Variants in CRYGD observed in about 807,000 individuals in gnomAD.
The protein encoded by CRYGD is gamma-crystallin D.
In CRYGD, 13 loss-of-function variants were observed where a neutral mutation model predicts 11.3. The ratio of observed to expected loss-of-function variants is 1.15; its 90% confidence interval spans 0.75 to 1.83. CRYGD has a LOEUF of 1.83. Among genes scored for constraint, CRYGD ranks in the 40% most tolerant of loss-of-function variants. CRYGD has a pLI of 0.00. For missense variants in CRYGD, 231 were observed against 229.9 expected (o/e 1.00, Z -0.03); for synonymous variants, 77 against 89.5 (o/e 0.86, Z 0.79).
intron 1 of CRYGD, 43 bp from the exon 2 acceptor site, chr2:208,124,397 T>C (rs374486737): frequency 2.5e-5 from 40 of 1,606,774 alleles, no homozygotes; most frequent in South Asian, 2.0e-4. Context: ...ACAGGCCTGC[T>C]CCTGCCCCAG....
At position 208,124,214 on chromosome 2, in the gene CRYGD, G is replaced by T. The variant is rs146108791; in HGVS notation, c.150C>A (p.Asn50Lys). 1.1e-4 allele frequency: 175 copies of T among 1,612,190 alleles called. No individual in the cohort carries two copies. Among genetic ancestry groups the T allele is most frequent in the Non-Finnish European group, 1.3e-4 (148 of 1,179,946 alleles). The change falls in exon 2 of 3, where the codon AAC becomes AAA. Residue 50 changes from asparagine (N) to lysine (K), a missense_variant. Physicochemically the swap from Asn to Lys is moderately conservative, Grantham distance 94. Transcript: ENST00000264376. ...GCAGGAAGTACTGGAGGCCCGAGTA[G>T]TTGGGCTGCTCATAGAGCATCCAGC... The part of the protein sequence containing the change: ...SGCWMLYEQP[N>K]YSGLQYFLRR...
Position 208,124,161 on chromosome 2 carries a change from T to C in CRYGD, c.203A>G (p.Gln68Arg). 2 of 1,611,678 alleles carry C rather than the reference T, an allele frequency of 1.2e-6. No homozygotes were observed. Among genetic ancestry groups the C allele is most frequent in the South Asian group, 1.1e-5 (1 of 90,996 alleles). The change falls in exon 2 of 3, where the codon CAG (glutamine) becomes CGG (arginine). Residue 68 changes from glutamine to arginine, a missense_variant. By Grantham distance (43) the Gln-to-Arg change is conservative. Coordinates refer to ENST00000264376, the MANE Select transcript of CRYGD (RefSeq NM_006891.4). Reference protein sequence around the residue: ...LRRGDYADHQQWMGLSDSVRS... With the variant: ...LRRGDYADHQRWMGLSDSVRS... Reference sequence around the variant, plus strand: ...GACCGAGTCGCTGAGGCCCATCCACTGCTGGTGGTCGGCATAGTCGCCGCG... The same window carrying C: ...GACCGAGTCGCTGAGGCCCATCCACCGCTGGTGGTCGGCATAGTCGCCGCG...
At position 208,124,180 on chromosome 2, in the gene CRYGD, C is replaced by G; in HGVS notation, c.184G>C (p.Asp62His). 1 of 1,611,666 alleles carries G rather than the reference C, an allele frequency of 6.2e-7. No individual in the cohort carries two copies. The highest frequency in any genetic ancestry group is 1.1e-5 in the South Asian group (1 of 90,988). ...SGLQYFLRRG[D>H]YADHQQWMGL... ...ATCCACTGCTGGTGGTCGGCATAGTCGCCGCGGCGCAGGAAGTACTGGAGG... is the reference window on the plus strand; with the variant it reads ...ATCCACTGCTGGTGGTCGGCATAGTGGCCGCGGCGCAGGAAGTACTGGAGG... The change falls in exon 2 of 3, where the codon GAC becomes CAC. Residue 62 changes from aspartate (D) to histidine (H), a missense_variant. By Grantham distance (81) the Asp-to-His change is moderately conservative. Transcript: ENST00000264376.
rs1417802246 is a variant in CRYGD, at chr2:208,124,233, A to C, written c.131T>G (p.Met44Arg). 2 of 1,612,058 alleles carry C rather than the reference A, an allele frequency of 1.2e-6. No homozygotes were observed. The highest frequency in any genetic ancestry group is 1.7e-6 in the Non-Finnish European group (2 of 1,179,784). ...CGAGTAGTTGGGCTGCTCATAGAGC[A>C]TCCAGCAGCCGCTGTCCACGCGCGC... is the stretch of plus-strand genomic sequence containing the variant. ...NSARVDSGCW[M>R]LYEQPNYSGL... The change falls in exon 2 of 3, where the codon ATG (methionine) becomes AGG (arginine). Residue 44 changes from methionine (M) to arginine (R), a missense_variant. Met to Arg is a moderately conservative substitution (Grantham distance 91, BLOSUM62 -1). Transcript: ENST00000264376.
rs113206037 is a variant in CRYGD, at chr2:208,124,445, G to C, written c.9+20C>G. The stretch of plus-strand genomic sequence containing the variant: ...GCGATGGAGGAAGCTCCGGGGTCCC[G>C]GGGCGCAGGCTGGGCTCACCTTCCC... On this transcript the variant is annotated intron_variant, in intron 1 of 2. Coordinates refer to ENST00000264376, the MANE Select transcript of CRYGD (RefSeq NM_006891.4). 8,878 of 1,582,832 alleles carry C rather than the reference G, an allele frequency of 5.6e-3. 441 individuals are homozygous for C. The African/African-American group carries it at 0.1, about 19-fold the overall frequency.
At chr2:208,122,241 C>T (rs1574545250) in intron 2 of CRYGD, among the ~76,000 whole-genome samples, 1 of 151,826 alleles carries the variant, frequency 6.6e-6, no homozygotes, top group East Asian at 1.9e-4. Context: ...CATGCAAATC[C>T]AAACCTGTAA....
In CRYGD at chr2:208,124,105, T is replaced by A; in HGVS notation, c.252+7A>T. 1 of 1,611,670 alleles carries A rather than the reference T, an allele frequency of 6.2e-7. No individual in the cohort carries two copies. The highest frequency in any genetic ancestry group is 8.5e-7 in the Non-Finnish European group (1 of 1,179,832). On this transcript the variant is annotated splice_region_variant and intron_variant, in intron 2 of 2. Transcript: ENST00000264376. ...GGGCCTGGGTCCTGACTTGAGGATG[T>A]ACTCACGTGGGGGATGAGGCGGCAG...
rs763193895 is a variant in CRYGD, at chr2:208,124,340, C to T, written c.24G>A (p.Glu8=). ...AGTGGCGGCCCTGGAAGCCCCGGTCCTCGTAGAGGGTGATCTGCAAGGCAA... is the reference window on the plus strand; with the variant it reads ...AGTGGCGGCCCTGGAAGCCCCGGTCTTCGTAGAGGGTGATCTGCAAGGCAA... MGKITLY[E]DRGFQGRHYE... is the part of the protein sequence containing the mutation. The change falls in exon 2 of 3, where the codon GAG becomes GAA. Residue 8 remains glutamate (E), a synonymous_variant. Transcript: ENST00000264376. 36 of 1,611,062 alleles carry T rather than the reference C, an allele frequency of 2.2e-5. No homozygotes were observed. Among genetic ancestry groups the T allele is most frequent in the Non-Finnish European group, 3.0e-5 (35 of 1,179,264 alleles).
rs1470826 is a variant in CRYGD, at chr2:208,122,115, A to G, written c.253-170T>C. On this transcript the variant is annotated intron_variant, in intron 2 of 2. Coordinates refer to ENST00000264376, the MANE Select transcript of CRYGD (RefSeq NM_006891.4). ...TCCTCATTACCGAGCACAGAGATTC[A>G]GTACCTTTTCAAGATTATGAAGTGT... 0.44 allele frequency among the ~76,000 whole-genome samples: 66,314 copies of G among 151,930 alleles called. 14,642 individuals are homozygous for G. The highest frequency in any genetic ancestry group is 0.49 in the South Asian group (2,343 of 4,826).
At chr2:208,123,166 T>C (rs995379771) in intron 2 of CRYGD, among the ~76,000 whole-genome samples, 11 of 146,894 alleles carry the variant, frequency 7.5e-5, no homozygotes, top group Admixed American at 1.4e-4. Context: ...ATGTTAAATA[T>C]ATTTAAAATA....
At chr2:208,123,052 CTG>C (rs948106894) in intron 2 of CRYGD, among the ~76,000 whole-genome samples, 3 of 148,660 alleles carry the variant, frequency 2.0e-5, no homozygotes, top group Non-Finnish European at 4.5e-5. Flanking sequence ...GAGTGAGACT[CTG>C]TTTCAAAAAA....
intron 2 of CRYGD, among the ~76,000 whole-genome samples, chr2:208,122,726 G>C (rs1296713725): frequency 1.3e-5 from 2 of 150,760 alleles, no homozygotes; most frequent in Non-Finnish European, 3.0e-5. Context: ...AGCCAGGTGT[G>C]GTGGCGGGTG....
intron 2 of CRYGD, among the ~76,000 whole-genome samples, chr2:208,123,686 T>C (rs969677678): frequency 6.6e-6 from 1 of 152,158 alleles, no homozygotes; most frequent in East Asian, 1.9e-4. Context: ...GTCTTACTTA[T>C]ATAGGTTGGG....
In CRYGD at chr2:208,124,464, C is replaced by T; in HGVS notation, c.9+1G>A. ...GGTCCCGGGGCGCAGGCTGGGCTCA[C>T]CTTCCCCATGGCTGGCTGGGCGCAC... is the stretch of plus-strand genomic sequence containing the variant. On this transcript the variant is annotated splice_donor_variant, in intron 1 of 2. Transcript: ENST00000264376. LOFTEE classifies it high-confidence loss of function. 6.3e-7 allele frequency: 1 copy of T among 1,576,312 alleles called. No individual in the cohort carries two copies. The highest frequency in any genetic ancestry group is 8.6e-7 in the Non-Finnish European group (1 of 1,162,000).
At position 208,121,725 on chromosome 2, in the gene CRYGD, C is replaced by G. The variant is rs148554364; in HGVS notation, c.473G>C (p.Gly158Ala). The change falls in exon 3 of 3, where the codon GGG becomes GCG. Residue 158 changes from glycine to alanine, a missense_variant. Physicochemically the swap from Gly to Ala is moderately conservative, Grantham distance 60. Coordinates refer to ENST00000264376, the MANE Select transcript of CRYGD (RefSeq NM_006891.4). ...AGAGCCCACTCTGGCATTCGTGGCC[C>G]CCCAGTCCTGGTAGCGCCTATAGTC... ...PGDYRRYQDW[G>A]ATNARVGSLR... is the part of the protein sequence containing the mutation. 4 of 1,613,908 alleles carry G rather than the reference C, an allele frequency of 2.5e-6. No individual in the cohort carries two copies. Among genetic ancestry groups the G allele is most frequent in the Non-Finnish European group, 3.4e-6 (4 of 1,179,980 alleles).
chr2:208,123,837 A>G (rs1476962521), intron 2 of CRYGD, among the ~76,000 whole-genome samples: 1 of 152,230 alleles, frequency 6.6e-6, no homozygotes, highest in Non-Finnish European at 1.5e-5. Flanking sequence ...TCCATTCTAA[A>G]TGATTCCAGA....
chr2:208,122,914 C>A (rs1438255291), intron 2 of CRYGD, among the ~76,000 whole-genome samples: 1 of 149,536 alleles, frequency 6.7e-6, no homozygotes, highest in Non-Finnish European at 1.5e-5. Flanking sequence ...CAAAAATTAG[C>A]TGGGTGTGGT....
intron 2 of CRYGD, among the ~76,000 whole-genome samples, chr2:208,123,193 G>T (rs1694905608): frequency 6.9e-6 from 1 of 144,930 alleles, no homozygotes; most frequent in Admixed American, 6.9e-5. Flanking sequence ...AATTTATGTA[G>T]TTATATAAAT....
intron 2 of CRYGD, 61 bp downstream of exon 2, chr2:208,124,051 T>A: frequency 6.2e-7 from 1 of 1,609,950 alleles, no homozygotes; most frequent in South Asian, 1.1e-5. Context: ...GTTTAACTTT[T>A]GCTTGAAACC....
Sources: gnomAD v4.1 joint callset for allele counts (sites outside exome capture counted in the v4.1 genomes callset) on GRCh38, gnomAD v4.1.1 for gene constraint, MANE v1.5 for transcripts, NCBI Gene and HGNC (gene_info 2026-07-23, HGNC 2026-07-21) for gene names.